Variants in TPD52L2 observed in about 807,000 individuals in gnomAD.
TPD52L2 encodes the protein tumor protein D54.
A neutral mutation model predicts 24.7 loss-of-function variants in TPD52L2; 19 were observed. The ratio of observed to expected loss-of-function variants is 0.77; its 90% CI spans 0.54 to 1.13. The LOEUF is 1.13. Ranked by LOEUF, TPD52L2 falls within the 50% of genes most tolerant of loss-of-function variation. The pLI, the probability that TPD52L2 is intolerant of heterozygous loss-of-function variation, is 0.00. For missense variants in TPD52L2, 236 were observed against 250.4 expected, an observed-to-expected ratio of 0.94 and a Z score of 0.39; for synonymous variants, 104 against 100.2, an observed-to-expected ratio of 1.04 and a Z score of -0.23.
rs376097607 is a variant in TPD52L2 at position 63,873,836 on chromosome 20, G to T, written c.314+20G>T. 9.4e-6 allele frequency: 14 copies of T among 1,491,876 alleles called. No homozygotes were observed. The highest frequency in any genetic ancestry group is 1.2e-5 in the Non-Finnish European group (13 of 1,122,430). 92.4% of individuals were successfully genotyped at this position (1,491,876 alleles called of 1,614,324 possible). A position where few individuals can be genotyped will look rare whatever the true frequency, so the allele number is the denominator to read the frequency against. ...TAGCGCGTAGGTACCTGCCCCAGGC[G>T]CACCCCTGGGGGCTGAAGAGAACGG... On this transcript the variant is annotated intron_variant, in intron 3 of 6. Transcript: ENST00000346249.
chr20:63,873,723 G>A lies in TPD52L2; in HGVS notation c.221G>A (p.Cys74Tyr), dbSNP rs762786920. ...GTCCTGGCAGCCAAGGAGAGGCACT[G>A]TGGAGAGCTCAAGAGGAGGCTGGGC... is the stretch of plus-strand genomic sequence containing the variant. ...RQVLAAKERH[C>Y]GELKRRLGLS... The change falls in exon 3 of 7, where the codon TGT becomes TAT. Residue 74 changes from cysteine to tyrosine, a missense_variant. By Grantham distance (194) the Cys-to-Tyr change is radical. Transcript: ENST00000346249. 9.3e-6 allele frequency: 15 copies of A among 1,610,928 alleles called. No homozygotes were observed. Among genetic ancestry groups the A allele is most frequent in the African/African-American group, 2.7e-5 (2 of 74,840 alleles).
intron 5 of TPD52L2, chr20:63,888,823 A>T (rs912108092): frequency 3.0e-5 from 9 of 301,874 alleles, no homozygotes; most frequent in Non-Finnish European, 5.8e-5. Flanking sequence ...CCTGTAGGGG[A>T]CAGCAGAGAG....
intron 2 of TPD52L2, among the ~76,000 whole-genome samples, chr20:63,871,347 AAG>A (rs60033365): frequency 8.1e-4 from 116 of 143,480 alleles, no homozygotes; most frequent in African/African-American, 3.0e-3. Context: ...CCAGCCAAGA[AAG>A]AGAATTTTTT....
At chr20:63,870,520 GTTTTTTTTTTTTT>G (rs959786861) in intron 2 of TPD52L2, among the ~76,000 whole-genome samples, 1,811 of 94,696 alleles carry the variant, frequency 0.019, 69 homozygotes, top group Middle Eastern at 0.04. Context: ...ATAAGGTGAA[GTTTTTTTTTTTTT>G]TTTTTTTTTT....
chr20:63,876,655 C>A (rs1199025773), intron 4 of TPD52L2: 2 of 413,250 alleles, frequency 4.8e-6, no homozygotes, highest in Admixed American at 5.8e-5. Context: ...GGCAGAAAGT[C>A]CTCCCATGTT....
rs895658521 is a variant in TPD52L2 at position 63,891,529 on chromosome 20, T to C, written c.*1584T>C. 6.6e-6 allele frequency: 1 copy of C among 152,238 alleles called. No individual in the cohort carries two copies. Among genetic ancestry groups the C allele is most frequent in the Non-Finnish European group, 1.5e-5 (1 of 68,012 alleles). 9.4% of individuals were successfully genotyped at this position (152,238 alleles called of 1,614,324 possible). ...GGTAATTTGTCAATAAAGCATTCCT[T>C]TGGGGGAAAGTCCGCCTCGGCTTGT... On this transcript the variant is annotated 3_prime_UTR_variant, in exon 7 of 7. Transcript: ENST00000346249. The surrounding 1 kb of genome is among the most constrained non-coding windows in gnomAD (Gnocchi z 4.7).
chr20:63,887,336 C>G (rs3795155), intron 5 of TPD52L2: 274,025 of 644,114 alleles, frequency 0.43, 61,101 homozygotes, highest in East Asian at 0.64. Flanking sequence ...TGCTCTCCCC[C>G]CTCCCAGTGC....
At chr20:63,883,638 C>G (rs185329544) in intron 5 of TPD52L2, among the ~76,000 whole-genome samples, 2 of 152,128 alleles carry the variant, frequency 1.3e-5, no homozygotes, top group Non-Finnish European at 1.5e-5. Flanking sequence ...CAGAACTGGT[C>G]TTCTGGCTTT....
intron 1 of TPD52L2, among the ~76,000 whole-genome samples, chr20:63,867,735 T>A (rs2052307300): frequency 6.6e-6 from 1 of 151,868 alleles, no homozygotes; most frequent in Admixed American, 6.6e-5. Flanking sequence ...TTTAATCTGG[T>A]GTCTTTGTGT....
At chr20:63,873,892 C>G in intron 3 of TPD52L2, 76 bp downstream of exon 3, 1 of 1,391,688 alleles carries the variant, frequency 7.2e-7, no homozygotes, top group Non-Finnish European at 9.4e-7. Context: ...TGTGGGGGGG[C>G]GTCGTCATGC....
In TPD52L2 at chr20:63,882,785, G is replaced by C. The variant is rs776021314; in HGVS notation, c.441G>C (p.Val147=). 2.5e-6 allele frequency: 4 copies of C among 1,613,790 alleles called. No homozygotes were observed. In the South Asian group the frequency reaches 4.4e-5, roughly 18 times the overall value. ...GQKTSAALST[V]GSAISRKLGD... ...AGACTTCAGCTGCCCTGTCCACAGT[G>C]GGCTCTGCCATCAGCAGGAAGCTTG... The change falls in exon 5 of 7, where the codon GTG becomes GTC. Residue 147 remains valine (V), a synonymous_variant. Transcript: ENST00000346249.
intron 4 of TPD52L2, chr20:63,876,517 A>C (rs2052682987): frequency 1.7e-5 from 6 of 346,542 alleles, no homozygotes; most frequent in South Asian, 1.1e-4. Flanking sequence ...ATAGCACTTC[A>C]TTTACTTGTG....
At chr20:63,869,524 G>A (rs755138218) in intron 2 of TPD52L2, 83 bp downstream of exon 2, 21 of 1,549,060 alleles carry the variant, frequency 1.4e-5, no homozygotes, top group Middle Eastern at 1.8e-4. Context: ...TACTGGCCAC[G>A]CTCGGGAGGA....
chr20:63,881,370 A>AG lies in TPD52L2; in HGVS notation c.375-1349_375-1348insG, dbSNP rs1230305503. Among the ~76,000 whole-genome samples the AG allele has an allele frequency of 2.2e-4, 34 of 151,636 alleles. 1 individual carries two copies. Among genetic ancestry groups the AG allele is most frequent in the Non-Finnish European group, 4.7e-4 (32 of 67,792 alleles). On this transcript the variant is annotated intron_variant, in intron 4 of 6. Coordinates refer to ENST00000346249, the MANE Select transcript of TPD52L2 (RefSeq NM_003288.4). ...GCGAGACTTTGTCTCAAAAAAAAAA[A>AG]AAAGAAAGAAAGTGCATCCTCTGGT...
intron 5 of TPD52L2, chr20:63,888,212 C>A (rs1389932823): frequency 6.4e-6 from 1 of 155,168 alleles, no homozygotes; most frequent in African/African-American, 2.4e-5. Flanking sequence ...AGTCCCCGGG[C>A]CTGGGAGGGG....
Position 63,890,124 on chromosome 20 carries a change from C to A in TPD52L2, c.*179C>A. The A allele has an allele frequency of 7.4e-7, 1 of 1,359,546 alleles. No individual in the cohort carries two copies. The highest frequency in any genetic ancestry group is 9.9e-7 in the Non-Finnish European group (1 of 1,012,022). The allele number at this position is 1,359,546 out of a possible 1,614,324, so 84.2% of individuals were successfully genotyped here. A position where few individuals can be genotyped will look rare whatever the true frequency, so the allele number is the denominator to read the frequency against. The stretch of plus-strand genomic sequence containing the variant: ...TTTGCATGAATTTGAAGAACACAGG[C>A]TTGTACACAGATGTTTTACACTCAC... On this transcript the variant is annotated 3_prime_UTR_variant, in exon 7 of 7. Transcript: ENST00000346249.
chr20:63,877,586 A>AC lies in TPD52L2; in HGVS notation c.374+1712dup, dbSNP rs1467459668. Among the ~76,000 whole-genome samples, 5 of 152,264 alleles carry AC rather than the reference A, an allele frequency of 3.3e-5. No homozygotes were observed. Among genetic ancestry groups the AC allele is most frequent in the Non-Finnish European group, 7.3e-5 (5 of 68,050 alleles). ...TCCTTGCAGTTTGGGCATCAGGCGGACGCACAGTGCAGACTCAGTCTGAAA... is the reference window on the plus strand; with the variant it reads ...TCCTTGCAGTTTGGGCATCAGGCGGACCGCACAGTGCAGACTCAGTCTGAAA... On this transcript the variant is annotated intron_variant, in intron 4 of 6. Transcript: ENST00000346249. This position sits in a 1 kb window ranked among gnomAD's most constrained non-coding sequence, Gnocchi z 4.1.
intron 5 of TPD52L2, among the ~76,000 whole-genome samples, chr20:63,884,041 G>T (rs1049302280): frequency 5.9e-5 from 9 of 152,100 alleles, no homozygotes; most frequent in African/African-American, 2.2e-4. Context: ...TTTTATTTTT[G>T]TTTTTTTGAG....
chr20:63,865,790 G>C (rs1191728571), intron 1 of TPD52L2, among the ~76,000 whole-genome samples: 2 of 152,250 alleles, frequency 1.3e-5, no homozygotes, highest in East Asian at 1.9e-4. Context: ...GTCTGGCCCT[G>C]GACCCAGTCC....
Sources: allele counts gnomAD v4.1 joint callset (sites outside exome capture counted in the v4.1 genomes callset), GRCh38; gene constraint gnomAD v4.1.1; non-coding constraint Gnocchi (gnomAD v3.1); transcripts MANE v1.5; gene names NCBI Gene and HGNC (gene_info 2026-07-23, HGNC 2026-07-21).